The following SMYD3 variants were observed in gnomAD, a reference collection of about 807,000 sequenced individuals.
The protein encoded by SMYD3 is histone-lysine N-methyltransferase SMYD3.
A neutral mutation model predicts 57.7 loss-of-function variants in SMYD3; 36 were observed. That is an observed-to-expected ratio of 0.62 (90% CI 0.48 to 0.82). The LOEUF is 0.82. Among genes scored for constraint, SMYD3 ranks in the 40% least tolerant of loss-of-function variants. The probability of loss-of-function intolerance (pLI) is 0.00; values close to 1 mark genes in which losing one functional copy is unlikely to be tolerated. For missense variants in SMYD3, 515 were observed against 538.8 expected (o/e 0.96, Z 0.44); for synonymous variants, 211 against 195.0 (o/e 1.08, Z -0.68).
At chr1:246,138,172 G>A (rs995553969) in intron 5 of SMYD3, among the ~76,000 whole-genome samples, 12 of 152,112 alleles carry the variant, frequency 7.9e-5, no homozygotes, top group East Asian at 7.7e-4. Context: ...ACATAGCACC[G>A]AGGCTGTGCA....
At chr1:245,896,388 T>G (rs1349730602) in intron 8 of SMYD3, among the ~76,000 whole-genome samples, 1 of 6,674 alleles carries the variant, frequency 1.5e-4, no homozygotes, top group Non-Finnish European at 2.9e-4. Context: ...CTTTGCCAAG[T>G]CAAAAAAAAA....
chr1:246,351,340 G>A (rs1416473618), intron 2 of SMYD3, among the ~76,000 whole-genome samples: 1 of 152,126 alleles, frequency 6.6e-6, no homozygotes, highest in Non-Finnish European at 1.5e-5. Flanking sequence ...TCCTCAAAAG[G>A]TAAAATAATA....
chr1:245,833,059 C>CAAA (rs35215737), intron 10 of SMYD3, among the ~76,000 whole-genome samples: 1 of 40,842 alleles, frequency 2.4e-5, no homozygotes, highest in African/African-American at 6.3e-5. Context: ...GAATATGTGA[C>CAAA]AAAAAAAAAA....
At chr1:246,438,382 A>G (rs754769141) in intron 1 of SMYD3, among the ~76,000 whole-genome samples, 2 of 152,222 alleles carry the variant, frequency 1.3e-5, no homozygotes, top group Non-Finnish European at 2.9e-5. Flanking sequence ...ATTTTCAACC[A>G]TCAAGAGCAC....
intron 5 of SMYD3, among the ~76,000 whole-genome samples, chr1:246,205,883 G>A (rs1281519813): frequency 6.6e-6 from 1 of 152,108 alleles, no homozygotes; most frequent in Non-Finnish European, 1.5e-5. Flanking sequence ...CTTAAGGCAA[G>A]TTACTAAACT....
chr1:246,209,683 T>C (rs1319087235), intron 5 of SMYD3, among the ~76,000 whole-genome samples: 1 of 152,182 alleles, frequency 6.6e-6, no homozygotes, highest in Non-Finnish European at 1.5e-5. Context: ...TAGTGGTTTG[T>C]ACTGCAGAAC....
At chr1:245,856,999 CTT>C (rs1219338012) in intron 10 of SMYD3, among the ~76,000 whole-genome samples, 1 of 152,190 alleles carries the variant, frequency 6.6e-6, no homozygotes, top group Admixed American at 6.5e-5. Context: ...AGCCTTATCT[CTT>C]TGAATGCGAT....
chr1:245,832,165 G>T (rs761306259), intron 10 of SMYD3, among the ~76,000 whole-genome samples: 11 of 152,230 alleles, frequency 7.2e-5, no homozygotes, highest in Admixed American at 2.6e-4. Context: ...CTGGTCAAGA[G>T]GCTGGGTCTC....
chr1:246,441,743 C>G (rs1484169367), intron 1 of SMYD3, among the ~76,000 whole-genome samples: 2 of 152,172 alleles, frequency 1.3e-5, no homozygotes, highest in Non-Finnish European at 2.9e-5. Context: ...TCCCAAGTAG[C>G]CGAGACCACA....
At chr1:245,969,737 A>G (rs1217624318) in intron 5 of SMYD3, among the ~76,000 whole-genome samples, 4 of 152,202 alleles carry the variant, frequency 2.6e-5, no homozygotes, top group Admixed American at 6.5e-5. Context: ...AATTCAAACT[A>G]CATTAGGAAA....
chr1:245,751,238 A>C (rs575361464), intron 11 of SMYD3, among the ~76,000 whole-genome samples: 1 of 152,306 alleles, frequency 6.6e-6, no homozygotes, highest in East Asian at 1.9e-4. Context: ...TTGGATATTT[A>C]AGAGCAATTG....
At chr1:245,763,135 C>T (rs988340044) in intron 11 of SMYD3, among the ~76,000 whole-genome samples, 1 of 152,224 alleles carries the variant, frequency 6.6e-6, no homozygotes, top group African/African-American at 2.4e-5. Flanking sequence ...GCTATTCCAA[C>T]CCTAAACCAG....
intron 5 of SMYD3, among the ~76,000 whole-genome samples, chr1:246,218,928 A>G (rs1394548942): frequency 6.6e-6 from 1 of 152,188 alleles, no homozygotes; most frequent in Non-Finnish European, 1.5e-5. Flanking sequence ...GGAAATGACC[A>G]ACGTTGTCAA....
intron 5 of SMYD3, among the ~76,000 whole-genome samples, chr1:246,164,700 C>T (rs2062176912): frequency 6.6e-6 from 1 of 152,248 alleles, no homozygotes; most frequent in Non-Finnish European, 1.5e-5. Context: ...GTGCCAGGCA[C>T]ACAGTCCTGA....
chr1:246,183,767 G>A (rs567058453), intron 5 of SMYD3, among the ~76,000 whole-genome samples: 43 of 152,278 alleles, frequency 2.8e-4, no homozygotes, highest in African/African-American at 9.1e-4. Context: ...TTACAGATGA[G>A]AAAGAAGCTT....
intron 5 of SMYD3, among the ~76,000 whole-genome samples, chr1:246,322,726 A>G (rs183764865): frequency 1.3e-3 from 197 of 152,274 alleles, no homozygotes; most frequent in Non-Finnish European, 2.2e-3. Context: ...AGTTTTTTAA[A>G]AAAAACAAAA....
intron 5 of SMYD3, among the ~76,000 whole-genome samples, chr1:245,968,174 G>T (rs6694497): frequency 1.3e-5 from 2 of 151,110 alleles, no homozygotes; most frequent in African/African-American, 4.9e-5. Flanking sequence ...TCAGAACAGC[G>T]TTAGACCACA....
chr1:246,118,265 C>T (rs1467337445), intron 5 of SMYD3, among the ~76,000 whole-genome samples: 2 of 152,048 alleles, frequency 1.3e-5, no homozygotes, highest in African/African-American at 4.8e-5. Flanking sequence ...ATAAATGATA[C>T]CTTTAAGGTT....
chr1:245,855,016 A>G (rs2051167334), intron 10 of SMYD3, among the ~76,000 whole-genome samples: 1 of 152,194 alleles, frequency 6.6e-6, no homozygotes. Flanking sequence ...CACACGGAAC[A>G]TTTCCAGAAG....
Sources: gnomAD v4.1 joint callset for allele counts (sites outside exome capture counted in the v4.1 genomes callset) on GRCh38, gnomAD v4.1.1 for gene constraint, MANE v1.5 for transcripts, NCBI Gene and HGNC (gene_info 2026-07-23, HGNC 2026-07-21) for gene names.